VOPP1: variants seen among roughly 807,000 people sequenced by gnomAD.
The protein encoded by VOPP1 is VOPP1 WW domain binding protein, also known as WW domain binding protein VOPP1.
Under a neutral mutation model 23.5 loss-of-function variants are expected in VOPP1, and 8 were observed. That is an observed-to-expected ratio of 0.34 (90% confidence interval 0.20 to 0.61). The LOEUF is 0.61. Among genes scored for constraint, VOPP1 ranks in the 20% least tolerant of loss-of-function variants. The pLI is 0.78. For missense variants in VOPP1, 174 were observed against 238.1 expected (o/e 0.73, Z 1.77); for synonymous variants, 83 against 97.3 (o/e 0.85, Z 0.86).
At chr7:55,476,365 G>A (rs1048820130) in intron 4 of VOPP1, among the ~76,000 whole-genome samples, 1 of 150,580 alleles carries the variant, frequency 6.6e-6, no homozygotes, top group African/African-American at 2.4e-5. Flanking sequence ...GGGATGGCCA[G>A]GCAGCCTGTA....
chr7:55,537,692 T>G, intron 1 of VOPP1: 1 of 1,458,022 alleles, frequency 6.9e-7, no homozygotes, highest in Non-Finnish European at 9.0e-7. Flanking sequence ...GGTGAGAACA[T>G]CTACCATGGA....
At chr7:55,456,189 A>G (rs558468570) in intron 4 of VOPP1, among the ~76,000 whole-genome samples, 2 of 152,318 alleles carry the variant, frequency 1.3e-5, no homozygotes, top group South Asian at 2.1e-4. Context: ...GCCAACAAAC[A>G]TGAAAAAAAG....
rs143938734 is a variant in VOPP1 at position 55,485,910 on chromosome 7, G to A, written c.328+6372C>T. Reference sequence around the variant, plus strand: ...GGGAGAAAAGTGCAATGGTAGACTCGGGAGACAAGGGATCTGAAGGAGGCT... The same window carrying A: ...GGGAGAAAAGTGCAATGGTAGACTCAGGAGACAAGGGATCTGAAGGAGGCT... On this transcript the variant is annotated intron_variant, in intron 4 of 4. Transcript: ENST00000285279. 2.4e-4 allele frequency among the ~76,000 whole-genome samples: 36 copies of A among 152,332 alleles called. 1 individual carries two copies. In the East Asian group the frequency reaches 6.6e-3, roughly 28 times the overall value.
intron 1 of VOPP1, among the ~76,000 whole-genome samples, chr7:55,546,289 A>T (rs949382031): frequency 6.6e-6 from 1 of 152,336 alleles, no homozygotes; most frequent in East Asian, 1.9e-4. Flanking sequence ...GAATGAAGAT[A>T]TAATTCCCAG....
chr7:55,438,219 T>C (rs1273486834), intron 4 of VOPP1, among the ~76,000 whole-genome samples: 2 of 152,076 alleles, frequency 1.3e-5, no homozygotes, highest in Non-Finnish European at 2.9e-5. Context: ...TTGGTTTTGG[T>C]GTCTTATCTC....
intron 1 of VOPP1, among the ~76,000 whole-genome samples, chr7:55,536,534 A>C (rs1054822200): frequency 2.0e-5 from 3 of 152,156 alleles, no homozygotes; most frequent in African/African-American, 7.2e-5. Context: ...CTCAAACAAA[A>C]AAACAAACTC....
chr7:55,447,803 T>C (rs1562879624), intron 4 of VOPP1, among the ~76,000 whole-genome samples: 1 of 152,184 alleles, frequency 6.6e-6, no homozygotes, highest in Non-Finnish European at 1.5e-5. Flanking sequence ...AGCCTTGGTT[T>C]TGCCAACCAT....
At chr7:55,479,272 G>A (rs746830785) in intron 4 of VOPP1, among the ~76,000 whole-genome samples, 30 of 151,324 alleles carry the variant, frequency 2.0e-4, no homozygotes, top group South Asian at 4.2e-4. Context: ...GTCATTTAGC[G>A]TTAGGTATAT....
At chr7:55,506,672 C>G (rs2129031837) in intron 2 of VOPP1, among the ~76,000 whole-genome samples, 2 of 151,794 alleles carry the variant, frequency 1.3e-5, no homozygotes, top group Admixed American at 1.3e-4. Context: ...GAGCTTCGCT[C>G]TTGTTGCCCA....
chr7:55,480,589 A>AC (rs1299880426), intron 4 of VOPP1, among the ~76,000 whole-genome samples: 1 of 152,162 alleles, frequency 6.6e-6, no homozygotes, highest in African/African-American at 2.4e-5. Context: ...TCCCATCTCT[A>AC]CTTCCCAGGC....
chr7:55,527,207 C>G (rs1221813374), intron 1 of VOPP1, among the ~76,000 whole-genome samples: 1 of 152,172 alleles, frequency 6.6e-6, no homozygotes, highest in Non-Finnish European at 1.5e-5. Context: ...ACTGGAATTT[C>G]AATCAGTTCC....
chr7:55,478,155 A>G (rs1035818375), intron 4 of VOPP1, among the ~76,000 whole-genome samples: 9 of 152,252 alleles, frequency 5.9e-5, no homozygotes, highest in Admixed American at 6.5e-5. Flanking sequence ...ACAGAAGACC[A>G]GCACGGTCTG....
chr7:55,454,375 G>T (rs1583804572), intron 4 of VOPP1, among the ~76,000 whole-genome samples: 1 of 152,334 alleles, frequency 6.6e-6, no homozygotes, highest in African/African-American at 2.4e-5. Flanking sequence ...GAGGTACAAA[G>T]AGGAGCTGGG....
At chr7:55,539,616 A>G (rs1482709103) in intron 1 of VOPP1, 1 of 147,458 alleles carries the variant, frequency 6.8e-6, no homozygotes, top group Non-Finnish European at 1.5e-5. Flanking sequence ...GAAGGAAACA[A>G]AGCATGTGAA....
downstream of VOPP1, among the ~76,000 whole-genome samples, chr7:55,466,116 C>A (rs1260827866): frequency 6.6e-6 from 1 of 152,182 alleles, no homozygotes; most frequent in Non-Finnish European, 1.5e-5. Flanking sequence ...ATCTATGAAC[C>A]ACGAAGCAGA....
rs114693514 is a variant in VOPP1 at position 55,521,520 on chromosome 7, T to C, written c.55-390A>G. On this transcript the variant is annotated intron_variant, in intron 1 of 4. Transcript: ENST00000285279. ...TTCTGTTTTAGAGAGACATCTCCAATAGATTTAGCATTTCTAGAGCTGTAT... is the reference window on the plus strand; with the variant it reads ...TTCTGTTTTAGAGAGACATCTCCAACAGATTTAGCATTTCTAGAGCTGTAT... 2.5e-4 allele frequency: 253 copies of C among 1,018,646 alleles called. No homozygotes were observed. In the African/African-American group the frequency reaches 3.4e-3, roughly 14 times the overall value. 63.1% of individuals were successfully genotyped at this position (1,018,646 alleles called of 1,614,324 possible). A position where few individuals can be genotyped will look rare whatever the true frequency, so the allele number is the denominator to read the frequency against.
At chr7:55,500,945 G>C (rs947908309) in intron 2 of VOPP1, among the ~76,000 whole-genome samples, 1 of 152,168 alleles carries the variant, frequency 6.6e-6, no homozygotes, top group African/African-American at 2.4e-5. Flanking sequence ...ATCCCCACTT[G>C]ATTTTCCTAT....
At chr7:55,462,277 T>G in intron 4 of VOPP1, among the ~76,000 whole-genome samples, 1 of 152,208 alleles carries the variant, frequency 6.6e-6, no homozygotes, top group East Asian at 1.9e-4. Flanking sequence ...TTTTTTTGTC[T>G]GGCTTTCAAC....
chr7:55,570,669 G>T (rs1235801409), intron 1 of VOPP1, among the ~76,000 whole-genome samples: 4 of 152,152 alleles, frequency 2.6e-5, no homozygotes, highest in Non-Finnish European at 5.9e-5. Context: ...AGGGCCGGGC[G>T]CGGTGGCTCA....
Sources: gnomAD v4.1 joint callset for allele counts (sites outside exome capture counted in the v4.1 genomes callset) on GRCh38, gnomAD v4.1.1 for gene constraint, MANE v1.5 for transcripts, NCBI Gene and HGNC (gene_info 2026-07-23, HGNC 2026-07-21) for gene names.